Variants in CAPRIN2 observed in about 807,000 individuals in gnomAD.
CAPRIN2 encodes caprin family member 2.
Under a neutral mutation model 130.4 loss-of-function variants are expected in CAPRIN2, and 66 were observed. That is an observed-to-expected ratio of 0.51 (90% CI 0.42 to 0.62). The LOEUF (loss-of-function observed/expected upper bound fraction) is 0.62, where lower values mean the gene tolerates loss of function less well. Ranked by LOEUF, CAPRIN2 falls within the 20% of genes least tolerant of loss-of-function variation. The pLI is 0.00. For missense variants in CAPRIN2, 1,185 were observed against 1,246.6 expected, an observed-to-expected ratio of 0.95 and a Z score of 0.74; for synonymous variants, 471 against 444.1, an observed-to-expected ratio of 1.06 and a Z score of -0.76.
chr12:30,709,957 T>C (rs1355797209), exon 17 of CAPRIN2: 1 of 1,612,134 alleles, frequency 6.2e-7, no homozygotes, highest in Non-Finnish European at 8.5e-7. Context: ...GCTACTTCCA[T>C]AAATTGCTCC....
intron 12 of CAPRIN2, 29 bp downstream of exon 14, chr12:30,719,050 T>C (rs373710435): frequency 1.6e-5 from 26 of 1,601,022 alleles, no homozygotes; most frequent in East Asian, 4.5e-5. Flanking sequence ...AATAATGAAC[T>C]GCAATCATCA....
At chr12:30,734,302 C>T (rs2063714591) in intron 4 of CAPRIN2, among the ~76,000 whole-genome samples, 1 of 152,100 alleles carries the variant, frequency 6.6e-6, no homozygotes, top group Non-Finnish European at 1.5e-5. Context: ...TCTGACTCTA[C>T]TTTAGTAGGG....
exon 1 of CAPRIN2, chr12:30,753,768 CTTT>C (rs780486393): frequency 1.3e-6 from 2 of 1,596,800 alleles, no homozygotes; most frequent in Admixed American, 3.4e-5. Context: ...TTCCATCCTA[CTTT>C]TAAAGTAATT....
At chr12:30,724,416 T>G (rs752120877) in exon 10 of CAPRIN2, 2 of 1,613,292 alleles carry the variant, frequency 1.2e-6, no homozygotes, top group South Asian at 1.1e-5. Flanking sequence ...ACGTTGGAAT[T>G]GCACTTGAAG....
In CAPRIN2 at chr12:30,735,060, A is replaced by AC; in HGVS notation, c.716dup (p.Leu240PhefsTer13). On this transcript the variant is annotated frameshift_variant, in exon 4 of 17. Coordinates refer to ENST00000298892, the Ensembl canonical transcript of CAPRIN2. LOFTEE classifies it high-confidence loss of function. ...AAGGCAAATACACTGCACCATTCAA[A>AC]CCCCCTTTGAAGTCTTTTTGTACGT... is the stretch of plus-strand genomic sequence containing the variant. The AC allele has an allele frequency of 6.2e-7, 1 of 1,613,204 alleles. No homozygotes were observed. The highest frequency in any genetic ancestry group is 8.5e-7 in the Non-Finnish European group (1 of 1,179,784).
intron 13 of CAPRIN2, 107 bp downstream of exon 15, chr12:30,716,401 T>G (rs2057571841): frequency 1.0e-6 from 1 of 989,686 alleles, no homozygotes. Context: ...TAATGCTTAC[T>G]GGTCAGGAAA....
chr12:30,728,709 G>A (rs868195315), exon 8 of CAPRIN2: 1 of 1,614,112 alleles, frequency 6.2e-7, no homozygotes, highest in African/African-American at 1.3e-5. Flanking sequence ...GAGGCTTGCT[G>A]TAGCTACTCC....
At chr12:30,744,444 CCTT>C (rs1342678289) in intron 2 of CAPRIN2, among the ~76,000 whole-genome samples, 5 of 152,150 alleles carry the variant, frequency 3.3e-5, no homozygotes, top group African/African-American at 1.2e-4. Flanking sequence ...ATCCACGTGA[CCTT>C]CTTTACAGTT....
intron 3 of CAPRIN2, among the ~76,000 whole-genome samples, chr12:30,739,451 T>C (rs562447448): frequency 1.3e-5 from 2 of 152,112 alleles, no homozygotes; most frequent in Non-Finnish European, 2.9e-5. Context: ...AACTATTAGG[T>C]ACAAGGCTTA....
At chr12:30,743,440 G>A (rs2068453151) in intron 2 of CAPRIN2, among the ~76,000 whole-genome samples, 1 of 152,068 alleles carries the variant, frequency 6.6e-6, no homozygotes. Flanking sequence ...AGCAATTGTC[G>A]ATGCCATCCC....
chr12:30,731,637 T>C (rs75566712), intron 5 of CAPRIN2, 127 bp from the exon 7 acceptor site: 3 of 735,116 alleles, frequency 4.1e-6, no homozygotes, highest in Non-Finnish European at 6.6e-6. Context: ...ACATAGTACA[T>C]CCTTACAATA....
chr12:30,731,622 G>T, intron 5 of CAPRIN2, 112 bp from the exon 7 acceptor site: 1 of 824,300 alleles, frequency 1.2e-6, no homozygotes, highest in Non-Finnish European at 1.9e-6. Flanking sequence ...AGTTTACATT[G>T]ATGTACATAG....
In CAPRIN2 at chr12:30,749,414, A is replaced by T. The variant is rs1272123339; in HGVS notation, c.483+1657T>A. 3.3e-5 allele frequency among the ~76,000 whole-genome samples: 5 copies of T among 152,228 alleles called. 1 individual carries two copies. The South Asian group carries it at 1.0e-3, about 31-fold the overall frequency. ...GATCACTGAGTTTACTACGTTGAAC[A>T]GACTTGGAGAGGGCAGAAATAGAAA... On this transcript the variant is annotated intron_variant, in intron 2 of 16. Transcript: ENST00000298892.
At chr12:30,715,546 A>C (rs1484923456) in intron 13 of CAPRIN2, 1 of 417,798 alleles carries the variant, frequency 2.4e-6, no homozygotes, top group East Asian at 7.2e-5. Context: ...AAATGATTAC[A>C]AAGTTTCAGT....
At chr12:30,731,604 GT>G in intron 5 of CAPRIN2, 94 bp from the exon 7 acceptor site, 1 of 987,708 alleles carries the variant, frequency 1.0e-6, no homozygotes, top group Non-Finnish European at 1.5e-6. Context: ...GTAGTACATT[GT>G]TACAATAGTT....
intron 3 of CAPRIN2, among the ~76,000 whole-genome samples, chr12:30,739,216 T>C (rs2066224953): frequency 6.6e-6 from 1 of 152,216 alleles, no homozygotes; most frequent in Non-Finnish European, 1.5e-5. Flanking sequence ...TGGAATACCA[T>C]GCAGCCATAA....
intron 2 of CAPRIN2, among the ~76,000 whole-genome samples, chr12:30,749,388 G>C (rs1409054965): frequency 6.6e-6 from 1 of 152,176 alleles, no homozygotes; most frequent in Non-Finnish European, 1.5e-5. Flanking sequence ...CATCAGTACA[G>C]GATCACTGAG....
intron 16 of CAPRIN2, 141 bp downstream of exon 18, chr12:30,711,425 A>C: frequency 1.5e-6 from 1 of 667,808 alleles, no homozygotes; most frequent in Non-Finnish European, 2.7e-6. Context: ...TTAGTACTTT[A>C]GTACTACATT....
intron 2 of CAPRIN2, among the ~76,000 whole-genome samples, chr12:30,749,730 G>A (rs894886484): frequency 6.6e-6 from 1 of 152,194 alleles, no homozygotes; most frequent in Non-Finnish European, 1.5e-5. Context: ...TAGGCAACTG[G>A]ACACAGAAAT....
Sources: allele counts gnomAD v4.1 joint callset (sites outside exome capture counted in the v4.1 genomes callset), GRCh38; gene constraint gnomAD v4.1.1; transcripts MANE v1.5; gene names NCBI Gene and HGNC (gene_info 2026-07-23, HGNC 2026-07-21).